The following LRMDA variants were observed in gnomAD, a reference collection of about 807,000 sequenced individuals.
LRMDA encodes leucine-rich melanocyte differentiation-associated protein.
LRMDA carries 18 observed loss-of-function variants against 29.8 expected under a neutral mutation model. The observed-to-expected ratio is 0.60, with a 90% CI of 0.42 to 0.90. The LOEUF is 0.90. Among genes scored for constraint, LRMDA ranks in the 40% least tolerant of loss-of-function variants. LRMDA has a pLI of 0.00. For synonymous variants in LRMDA, 125 were observed against 109.4 expected (o/e 1.14, Z -0.89); for missense variants, 273 against 273.9 (o/e 1.00, Z 0.02).
chr10:76,069,259 G>C (rs938428916), intron 5 of LRMDA, among the ~76,000 whole-genome samples: 1 of 152,190 alleles, frequency 6.6e-6, no homozygotes, highest in Admixed American at 6.5e-5. Flanking sequence ...GATGGGGAAG[G>C]CTTGTCCTTG....
At chr10:76,144,265 C>G (rs549242448) in intron 5 of LRMDA, among the ~76,000 whole-genome samples, 1 of 152,280 alleles carries the variant, frequency 6.6e-6, no homozygotes, top group South Asian at 2.1e-4. Flanking sequence ...GGCATTGAAT[C>G]TATAAATTAC....
At chr10:75,880,330 T>C (rs1666297230) in intron 2 of LRMDA, among the ~76,000 whole-genome samples, 1 of 152,014 alleles carries the variant, frequency 6.6e-6, no homozygotes, top group African/African-American at 2.4e-5. Context: ...TAAAAGGAGG[T>C]GATATGTTAT....
chr10:75,595,724 A>G (rs1373447193), intron 2 of LRMDA, among the ~76,000 whole-genome samples: 1 of 151,822 alleles, frequency 6.6e-6, no homozygotes, highest in Non-Finnish European at 1.5e-5. Flanking sequence ...ATATATTTTT[A>G]ACACAAACTA....
At chr10:75,694,277 C>T (rs907764011) in intron 2 of LRMDA, among the ~76,000 whole-genome samples, 1 of 152,146 alleles carries the variant, frequency 6.6e-6, no homozygotes, top group Non-Finnish European at 1.5e-5. Context: ...ATTTTTAGCT[C>T]TCTAGAGTTG....
At chr10:76,361,542 C>T (rs375047613) in intron 6 of LRMDA, among the ~76,000 whole-genome samples, 5 of 152,254 alleles carry the variant, frequency 3.3e-5, no homozygotes, top group East Asian at 3.9e-4. Flanking sequence ...TGGGGTCAAG[C>T]TTATCTACCA....
chr10:75,868,366 T>G (rs1180228108), intron 2 of LRMDA, among the ~76,000 whole-genome samples: 1 of 152,166 alleles, frequency 6.6e-6, no homozygotes, highest in Admixed American at 6.5e-5. Flanking sequence ...TCCTTTTTCT[T>G]TTTATGAAAT....
At chr10:75,542,880 C>T (rs1028872151) in intron 2 of LRMDA, among the ~76,000 whole-genome samples, 1 of 152,188 alleles carries the variant, frequency 6.6e-6, no homozygotes, top group African/African-American at 2.4e-5. Context: ...CTACCAGGCC[C>T]CTTCCTGCCA....
intron 2 of LRMDA, among the ~76,000 whole-genome samples, chr10:75,734,670 A>T (rs1564552933): frequency 6.6e-6 from 1 of 152,210 alleles, no homozygotes; most frequent in East Asian, 1.9e-4. Context: ...GTTGCAGAGG[A>T]CAGGGCAGAC....
chr10:75,859,783 A>T (rs556176480), intron 2 of LRMDA, among the ~76,000 whole-genome samples: 1 of 152,248 alleles, frequency 6.6e-6, no homozygotes, highest in East Asian at 1.9e-4. Context: ...CTGTTATGCT[A>T]TTTATGTCTA....
rs546859060 is a variant in LRMDA, at chr10:75,657,556, C to A, written c.131+219062C>A. On this transcript the variant is annotated intron_variant, in intron 2 of 6. Transcript: ENST00000611255. ...GATCCCTCACTTTCTAGTTGTGTGG[C>A]CCTAGGTGGGTTACATAACTGCTTT... Among the ~76,000 whole-genome samples, 25 of 152,256 alleles carry A rather than the reference C, an allele frequency of 1.6e-4. No homozygotes were observed. In the South Asian group the frequency reaches 4.6e-3, roughly 28 times the overall value.
intron 5 of LRMDA, among the ~76,000 whole-genome samples, chr10:76,163,083 G>A (rs1359252888): frequency 1.3e-5 from 2 of 152,156 alleles, no homozygotes; most frequent in Non-Finnish European, 2.9e-5. Context: ...TGAGCTTCTT[G>A]TGACAATAGT....
At chr10:75,464,367 T>G (rs1844626557) in intron 2 of LRMDA, among the ~76,000 whole-genome samples, 1 of 152,078 alleles carries the variant, frequency 6.6e-6, no homozygotes, top group Admixed American at 6.5e-5. Context: ...ACTCGAGTGG[T>G]GTGTTTGTGG....
At chr10:75,537,683 C>T (rs1296198200) in intron 2 of LRMDA, among the ~76,000 whole-genome samples, 3 of 152,132 alleles carry the variant, frequency 2.0e-5, no homozygotes, top group African/African-American at 7.2e-5. Flanking sequence ...GCTTGGGGGC[C>T]GGGGAGAGCA....
chr10:75,512,032 T>C (rs890059831), intron 2 of LRMDA, among the ~76,000 whole-genome samples: 1 of 152,230 alleles, frequency 6.6e-6, no homozygotes, highest in Non-Finnish European at 1.5e-5. Context: ...GGAGGTTCTG[T>C]CATGTACCAG....
chr10:75,970,618 C>T (rs529170723), intron 2 of LRMDA, among the ~76,000 whole-genome samples: 2 of 152,166 alleles, frequency 1.3e-5, no homozygotes, highest in South Asian at 2.1e-4. Context: ...GTTGCCCAAC[C>T]CTCCTTCTCT....
intron 5 of LRMDA, among the ~76,000 whole-genome samples, chr10:76,091,214 G>A (rs150239889): frequency 3.9e-4 from 60 of 151,938 alleles, no homozygotes; most frequent in East Asian, 5.8e-4. Context: ...CCTCACTTTG[G>A]TGTTTCAGAA....
At chr10:75,517,988 G>A (rs1845312142) in intron 2 of LRMDA, among the ~76,000 whole-genome samples, 2 of 152,182 alleles carry the variant, frequency 1.3e-5, no homozygotes. Context: ...CTGTTTATGT[G>A]ATAGAAGTTA....
intron 2 of LRMDA, among the ~76,000 whole-genome samples, chr10:75,952,920 A>C (rs1284610359): frequency 3.3e-5 from 5 of 151,516 alleles, no homozygotes; most frequent in Non-Finnish European, 4.4e-5. Context: ...ATGCCCAGCT[A>C]CCTTTTGTAT....
chr10:75,691,028 C>CAT (rs1554820546), intron 2 of LRMDA, among the ~76,000 whole-genome samples: 1,357 of 126,912 alleles, frequency 0.011, 28 homozygotes, highest in South Asian at 0.032. Flanking sequence ...CACACACACA[C>CAT]ATATATATAT....
Sources: gnomAD v4.1 joint callset for allele counts (sites outside exome capture counted in the v4.1 genomes callset) on GRCh38, gnomAD v4.1.1 for gene constraint, MANE v1.5 for transcripts, NCBI Gene and HGNC (gene_info 2026-07-23, HGNC 2026-07-21) for gene names.